GRP: variants seen among roughly 807,000 people sequenced by gnomAD.
GRP encodes the protein gastrin releasing peptide.
GRP carries 11 observed loss-of-function variants against 12.7 expected under a neutral mutation model. That is an observed-to-expected ratio of 0.87 (90% CI 0.55 to 1.44). GRP has a LOEUF of 1.44. GRP is among the 40% of genes most tolerant of loss of function. GRP has a pLI of 0.00. For synonymous variants in GRP, 84 were observed against 77.7 expected, an observed-to-expected ratio of 1.08 and a Z score of -0.43; for missense variants, 212 against 185.4, an observed-to-expected ratio of 1.14 and a Z score of -0.83.
intron 2 of GRP, among the ~76,000 whole-genome samples, chr18:59,226,296 A>C (rs1205096075): frequency 2.6e-5 from 4 of 152,198 alleles, no homozygotes; most frequent in African/African-American, 9.7e-5. Flanking sequence ...GGGGAAAATA[A>C]TTATACTAAA....
chr18:59,226,723 A>C (rs1403921961), intron 2 of GRP, among the ~76,000 whole-genome samples: 1 of 152,214 alleles, frequency 6.6e-6, no homozygotes, highest in Non-Finnish European at 1.5e-5. Context: ...TCCAGGCTGA[A>C]GGCCTTGCTA....
intron 2 of GRP, among the ~76,000 whole-genome samples, chr18:59,229,003 C>A (rs1320923234): frequency 2.0e-5 from 3 of 152,164 alleles, no homozygotes; most frequent in African/African-American, 7.2e-5. Flanking sequence ...TAAATGTGTT[C>A]GTTCTTCACT....
intron 1 of GRP, among the ~76,000 whole-genome samples, chr18:59,224,575 A>G (rs2069885567): frequency 6.6e-6 from 1 of 152,228 alleles, no homozygotes; most frequent in African/African-American, 2.4e-5. Flanking sequence ...AGGAAAAATC[A>G]ACTGTAAGAA....
chr18:59,226,365 G>T (rs145306447), intron 2 of GRP, among the ~76,000 whole-genome samples: 79 of 152,268 alleles, frequency 5.2e-4, no homozygotes, highest in African/African-American at 1.7e-3. Context: ...CAGGAAGAAA[G>T]CAAGGCAACT....
Position 59,225,632 on chromosome 18 carries a change from A to G in GRP, c.280A>G (p.Arg94Gly), listed in dbSNP as rs1231980585. ...LLGLIEAKEN[R>G]NHQPPQPKAL... ...GGGTCTCATAGAAGCAAAGGAGAAC[A>G]GAAACCACCAGCCACCTCAACCCAA... is the stretch of plus-strand genomic sequence containing the variant. The change falls in exon 2 of 3, where the codon AGA becomes GGA. Residue 94 changes from arginine (R) to glycine (G), a missense_variant. Coordinates refer to ENST00000256857, the MANE Select transcript of GRP (RefSeq NM_002091.5). 2.5e-6 allele frequency: 4 copies of G among 1,614,096 alleles called. No individual in the cohort carries two copies. The highest frequency in any genetic ancestry group is 1.7e-5 in the Admixed American group (1 of 60,004).
chr18:59,227,024 T>TCTTTCTTTCTTTCTTCCTTCCTTC (rs1182960121), intron 2 of GRP, among the ~76,000 whole-genome samples: 2 of 145,186 alleles, frequency 1.4e-5, no homozygotes, highest in East Asian at 4.0e-4. Flanking sequence ...TTTCTTTCTT[T>TCTTTCTTTCTTTCTTCCTTCCTTC]CTTTCTTTCT....
In GRP at chr18:59,220,365, C is replaced by A; in HGVS notation, c.100C>A (p.Leu34Met). The A allele has an allele frequency of 6.9e-7, 1 of 1,459,612 alleles. No homozygotes were observed. Among genetic ancestry groups the A allele is most frequent in the Non-Finnish European group, 9.0e-7 (1 of 1,108,466 alleles). 90.4% of individuals were successfully genotyped at this position (1,459,612 alleles called of 1,614,324 possible). Residue 34 changes from leucine to methionine, a missense_variant, in exon 1 of 3, where the codon CTG (leucine) becomes ATG (methionine). By Grantham distance (15) the Leu-to-Met change is conservative. Transcript: ENST00000256857. ...GCTGCCTGCGGGCGGAGGGACCGTG[C>A]TGACCAAGATGTACCCGCGCGGCAA... is the stretch of plus-strand genomic sequence containing the variant. ...VPLPAGGGTVLTKMYPRGNHW... is the reference protein window; with the variant it reads ...VPLPAGGGTVMTKMYPRGNHW...
intron 1 of GRP, among the ~76,000 whole-genome samples, chr18:59,223,871 G>T (rs1020436090): frequency 6.6e-6 from 1 of 152,182 alleles, no homozygotes; most frequent in Admixed American, 6.5e-5. Flanking sequence ...CAGGATTCCA[G>T]GTCTTCACTT....
upstream of GRP, chr18:59,220,125 T>C: frequency 2.5e-5 from 6 of 243,696 alleles, no homozygotes; most frequent in Admixed American, 6.1e-5. Flanking sequence ...CGCCCGGGCT[T>C]CCATATAAAG....
chr18:59,229,130 T>C (rs2069989826), intron 2 of GRP, among the ~76,000 whole-genome samples: 1 of 152,056 alleles, frequency 6.6e-6, no homozygotes, highest in African/African-American at 2.4e-5. Context: ...CAACATAAAA[T>C]CAAGAATCAC....
At chr18:59,229,094 A>G (rs1568085857) in intron 2 of GRP, among the ~76,000 whole-genome samples, 1 of 152,214 alleles carries the variant, frequency 6.6e-6, no homozygotes, top group Non-Finnish European at 1.5e-5. Flanking sequence ...GAAATGCTCC[A>G]AAGGAAGTGC....
chr18:59,220,293 C>T lies in GRP; in HGVS notation c.28C>T (p.Leu10=). 2 of 1,505,416 alleles carry T rather than the reference C, an allele frequency of 1.3e-6. No homozygotes were observed. The highest frequency in any genetic ancestry group is 2.2e-4 in the Middle Eastern group (1 of 4,612). 93.3% of individuals were successfully genotyped at this position (1,505,416 alleles called of 1,614,324 possible). A position where few individuals can be genotyped will look rare whatever the true frequency, so the allele number is the denominator to read the frequency against. ...GCGCGGCCGTGAGCTCCCGCTGGTC[C>T]TGCTGGCGCTGGTCCTCTGCCTGGC... MRGRELPLV[L]LALVLCLAPR... is the part of the protein sequence containing the mutation. Residue 10 remains leucine (L), a synonymous_variant, in exon 1 of 3, where the codon CTG becomes TTG. Transcript: ENST00000256857.
upstream of GRP, among the ~76,000 whole-genome samples, chr18:59,219,789 C>G (rs897769695): frequency 1.3e-5 from 2 of 152,232 alleles, no homozygotes; most frequent in Admixed American, 6.5e-5. Flanking sequence ...CTACACCCCC[C>G]ACCCCTCCCG....
chr18:59,229,481 G>A (rs1297489022), intron 2 of GRP, among the ~76,000 whole-genome samples: 4 of 152,162 alleles, frequency 2.6e-5, no homozygotes, highest in Non-Finnish European at 5.9e-5. Flanking sequence ...GGTTGGTGGA[G>A]GCAAGCAAAG....
At chr18:59,224,790 C>T (rs1409272223) in intron 1 of GRP, among the ~76,000 whole-genome samples, 1 of 152,190 alleles carries the variant, frequency 6.6e-6, no homozygotes, top group Non-Finnish European at 1.5e-5. Flanking sequence ...GATAGACTTT[C>T]AGACACCCAA....
chr18:59,222,513 T>A (rs1056327181), intron 1 of GRP, among the ~76,000 whole-genome samples: 14 of 152,178 alleles, frequency 9.2e-5, no homozygotes, highest in Non-Finnish European at 1.2e-4. Flanking sequence ...TAAAATTACC[T>A]TGCGGTTGAG....
At position 59,220,276 on chromosome 18, in the gene GRP, G is replaced by A; in HGVS notation, c.11G>A (p.Arg4His). The A allele has an allele frequency of 6.6e-7, 1 of 1,504,886 alleles. No homozygotes were observed. The highest frequency in any genetic ancestry group is 8.8e-7 in the Non-Finnish European group (1 of 1,131,764). 93.2% of individuals were successfully genotyped at this position (1,504,886 alleles called of 1,614,324 possible). A position where few individuals can be genotyped will look rare whatever the true frequency, so the allele number is the denominator to read the frequency against. The change falls in exon 1 of 3, where the codon CGT (arginine) becomes CAT (histidine). Residue 4 changes from arginine to histidine, a missense_variant. Coordinates refer to ENST00000256857, the MANE Select transcript of GRP (RefSeq NM_002091.5). Reference sequence around the variant, plus strand: ...CTTCCCGTCGGGACCATGCGCGGCCGTGAGCTCCCGCTGGTCCTGCTGGCG... The same window carrying A: ...CTTCCCGTCGGGACCATGCGCGGCCATGAGCTCCCGCTGGTCCTGCTGGCG... MRGRELPLVLLALV... is the reference protein window; with the variant it reads MRGHELPLVLLALV...
chr18:59,229,041 C>T (rs185199695), intron 2 of GRP, among the ~76,000 whole-genome samples: 1 of 152,294 alleles, frequency 6.6e-6, no homozygotes, highest in African/African-American at 2.4e-5. Context: ...ACTGTCTCAT[C>T]AAATCAGTAC....
chr18:59,221,000 T>C (rs1391793958), intron 1 of GRP, among the ~76,000 whole-genome samples: 2 of 152,242 alleles, frequency 1.3e-5, no homozygotes, highest in African/African-American at 4.8e-5. Context: ...TCTCTGGAGT[T>C]TCCTCAGTCC....
Sources: allele counts gnomAD v4.1 joint callset (sites outside exome capture counted in the v4.1 genomes callset), GRCh38; gene constraint gnomAD v4.1.1; transcripts MANE v1.5; gene names NCBI Gene and HGNC (gene_info 2026-07-23, HGNC 2026-07-21).